Variants in WDR27 observed in about 807,000 individuals in gnomAD.
WDR27 encodes WD repeat-containing protein 27.
In WDR27, 100 loss-of-function variants were observed where a neutral mutation model predicts 114.4. The ratio of observed to expected loss-of-function variants is 0.87; its 90% CI spans 0.74 to 1.03. The LOEUF is 1.03. WDR27 is among the 50% of genes least tolerant of loss of function. The probability of loss-of-function intolerance (pLI) is 0.00; values close to 1 mark genes in which losing one functional copy is unlikely to be tolerated. For missense variants in WDR27, 1,129 were observed against 1,092.9 expected (o/e 1.03, Z -0.47); for synonymous variants, 449 against 423.1 (o/e 1.06, Z -0.75).
intron 25 of WDR27, among the ~76,000 whole-genome samples, chr6:169,514,590 CAAT>C (rs1406856949): frequency 1.4e-5 from 2 of 147,048 alleles, no homozygotes; most frequent in African/African-American, 2.5e-5. Context: ...ATGTCTAGGT[CAAT>C]AATAAACATT....
intron 25 of WDR27, among the ~76,000 whole-genome samples, chr6:169,461,527 GAAAT>G (rs1313051312): frequency 6.7e-6 from 1 of 150,278 alleles, no homozygotes; most frequent in Non-Finnish European, 1.5e-5. Context: ...GATCAAAGAA[GAAAT>G]AATAAGAAAA....
At chr6:169,648,158 G>A (rs750816665) in intron 15 of WDR27, among the ~76,000 whole-genome samples, 6 of 152,188 alleles carry the variant, frequency 3.9e-5, no homozygotes, top group South Asian at 2.1e-4. Flanking sequence ...GTACTGTGAC[G>A]ATTTGGGGGT....
chr6:169,478,511 A>T (rs73789962), intron 25 of WDR27, among the ~76,000 whole-genome samples: 2,496 of 152,290 alleles, frequency 0.016, 69 homozygotes, highest in African/African-American at 0.057. Context: ...AAGAATTATA[A>T]GCCTATATCA....
intron 25 of WDR27, among the ~76,000 whole-genome samples, chr6:169,491,437 T>C (rs1789744758): frequency 6.6e-6 from 1 of 152,042 alleles, no homozygotes; most frequent in South Asian, 2.1e-4. Context: ...ATGAAACTAG[T>C]CAAGATGAAG....
Position 169,659,424 on chromosome 6 carries a change from C to G in WDR27, c.1197+27G>C. ...AGAAATCAGAGGCACGTCTCATAGA[C>G]AGGGAGGGCCGCGTCTCAGGACTGA... is the stretch of plus-strand genomic sequence containing the variant. On this transcript the variant is annotated intron_variant, in intron 11 of 25. Coordinates refer to ENST00000448612, the MANE Select transcript of WDR27 (RefSeq NM_182552.5). This position sits in a 1 kb window ranked among gnomAD's most constrained non-coding sequence, Gnocchi z 4.3. The G allele has an allele frequency of 6.2e-7, 1 of 1,602,292 alleles. No homozygotes were observed. Among genetic ancestry groups the G allele is most frequent in the Non-Finnish European group, 8.5e-7 (1 of 1,174,394 alleles).
chr6:169,457,708 C>A, intron 25 of WDR27, 74 bp from the exon 26 acceptor site: 1 of 1,176,496 alleles, frequency 8.5e-7, no homozygotes, highest in South Asian at 1.4e-5. Flanking sequence ...GAAAATAAGC[C>A]CAAAGTGTGT....
intron 20 of WDR27, among the ~76,000 whole-genome samples, chr6:169,634,158 A>T (rs1370419858): frequency 6.6e-6 from 1 of 152,220 alleles, no homozygotes; most frequent in Admixed American, 6.5e-5. Context: ...CAAAGTCCAG[A>T]GCAGAAGGGC....
At chr6:169,577,822 C>T (rs1168069635) in intron 24 of WDR27, among the ~76,000 whole-genome samples, 1 of 152,204 alleles carries the variant, frequency 6.6e-6, no homozygotes, top group East Asian at 1.9e-4. Context: ...CACTGGTCTC[C>T]TCCCCTTGGG....
intron 25 of WDR27, among the ~76,000 whole-genome samples, chr6:169,487,760 G>T (rs1789134979): frequency 6.6e-6 from 1 of 152,152 alleles, no homozygotes; most frequent in Non-Finnish European, 1.5e-5. Flanking sequence ...GAACATCCTT[G>T]CAGAAAATTA....
Position 169,638,718 on chromosome 6 carries a change from A to C in WDR27, c.1748-58T>G, listed in dbSNP as rs1818356041. 3.7e-5 allele frequency: 57 copies of C among 1,543,264 alleles called. 1 individual carries two copies. Among genetic ancestry groups the C allele is most frequent in the Non-Finnish European group, 5.0e-5 (57 of 1,139,658 alleles). On this transcript the variant is annotated intron_variant, in intron 17 of 25. Transcript: ENST00000448612. Reference sequence around the variant, plus strand: ...CTACTATTAATATCAGTTTTGACTGAGTGCTACTTATCTGGTACTTTCATA... The same window carrying C: ...CTACTATTAATATCAGTTTTGACTGCGTGCTACTTATCTGGTACTTTCATA...
rs143165871 is a variant in WDR27 at position 169,621,136 on chromosome 6, C to T, written c.2224-7480G>A. ...TAATTAATAGGCACTTTAATGAATA[C>T]TATAATTAAAAGCACATATACATAT... is the stretch of plus-strand genomic sequence containing the variant. On this transcript the variant is annotated intron_variant, in intron 21 of 25. Transcript: ENST00000448612. 1.4e-3 allele frequency among the ~76,000 whole-genome samples: 206 copies of T among 152,276 alleles called. 2 individuals are homozygous for T. The highest frequency in any genetic ancestry group is 2.4e-3 in the Non-Finnish European group (166 of 68,020).
In WDR27 at chr6:169,487,033, C is replaced by T. The variant is rs143618573; in HGVS notation, c.2646-29399G>A. Among the ~76,000 whole-genome samples, 638 of 152,250 alleles carry T rather than the reference C, an allele frequency of 4.2e-3. 4 individuals carry two copies. Among genetic ancestry groups the T allele is most frequent in the African/African-American group, 0.015 (611 of 41,556 alleles). On this transcript the variant is annotated intron_variant, in intron 25 of 25. Coordinates refer to ENST00000448612, the MANE Select transcript of WDR27 (RefSeq NM_182552.5). ...GGCAGCACAGCAATTCTGAGCAGAC[C>T]GGACTGGGTCCAGCAGCCTGGATTT...
At chr6:169,431,404 G>A in the WDR27 span, among the ~76,000 whole-genome samples, 1 of 152,152 alleles carries the variant, frequency 6.6e-6, no homozygotes, top group African/African-American at 2.4e-5. Context: ...ACTACAACAC[G>A]CAGCCCCCAC....
intron 1 of WDR27, among the ~76,000 whole-genome samples, chr6:169,699,939 G>A (rs939954729): frequency 6.6e-6 from 1 of 152,136 alleles, no homozygotes; most frequent in Admixed American, 6.5e-5. Context: ...CTGTGATTGT[G>A]CCACTCTACT....
intron 5 of WDR27, among the ~76,000 whole-genome samples, chr6:169,667,585 C>T (rs1468099982): frequency 6.6e-6 from 1 of 152,236 alleles, no homozygotes; most frequent in Non-Finnish European, 1.5e-5. Flanking sequence ...CTGATGTCAG[C>T]TGGATAAAAA....
At chr6:169,660,044 G>T (rs148339573) in intron 10 of WDR27, among the ~76,000 whole-genome samples, 2,807 of 151,862 alleles carry the variant, frequency 0.018, 47 homozygotes, top group African/African-American at 0.05. Flanking sequence ...AGCAGTGCCC[G>T]GGAGGCCGCC....
At chr6:169,536,271 T>A (rs184046486) in intron 25 of WDR27, among the ~76,000 whole-genome samples, 325 of 152,324 alleles carry the variant, frequency 2.1e-3, no homozygotes, top group African/African-American at 7.3e-3. Flanking sequence ...ACATCTGATA[T>A]GAGCCTTGCA....
At chr6:169,466,580 A>T (rs1369898218) in intron 25 of WDR27, among the ~76,000 whole-genome samples, 1 of 152,132 alleles carries the variant, frequency 6.6e-6, no homozygotes, top group Non-Finnish European at 1.5e-5. Flanking sequence ...ACATGTGGGG[A>T]TTATGGAAAC....
At chr6:169,601,939 T>G (rs1422955024) in intron 23 of WDR27, among the ~76,000 whole-genome samples, 1 of 152,224 alleles carries the variant, frequency 6.6e-6, no homozygotes, top group African/African-American at 2.4e-5. Flanking sequence ...CAAGAAAATA[T>G]AACGTGTAGC....
Sources: allele counts gnomAD v4.1 joint callset (sites outside exome capture counted in the v4.1 genomes callset), GRCh38; gene constraint gnomAD v4.1.1; non-coding constraint Gnocchi (gnomAD v3.1); transcripts MANE v1.5; gene names NCBI Gene and HGNC (gene_info 2026-07-23, HGNC 2026-07-21).